Variants in SF3B3 observed in about 807,000 individuals in gnomAD.
SF3B3 encodes the protein splicing factor 3b subunit 3, also known as SAP 130.
In SF3B3, 33 loss-of-function variants were observed where a neutral mutation model predicts 139.2. That is an observed-to-expected ratio of 0.24 (90% CI 0.18 to 0.32). SF3B3 has a LOEUF of 0.32. Among genes scored for constraint, SF3B3 ranks in the 10% least tolerant of loss-of-function variants. The pLI is 1.00. For synonymous variants in SF3B3, 596 were observed against 563.6 expected (o/e 1.06, Z -0.81); for missense variants, 818 against 1,509.4 (o/e 0.54, Z 7.59).
chr16:70,531,060 A>G (rs1486135262), intron 4 of SF3B3, 143 bp downstream of exon 4: 4 of 686,158 alleles, frequency 5.8e-6, no homozygotes, highest in Admixed American at 2.5e-5. Context: ...AGGTCAGGAG[A>G]TCGAGACCAT....
chr16:70,535,397 C>A lies in SF3B3; in HGVS notation c.802C>A (p.Arg268Ser). ...GAACTTTGGTGACCAGCCAGATATCCGCTGTCCAATTCCCAGGAGGCGGGT... is the reference window on the plus strand; with the variant it reads ...GAACTTTGGTGACCAGCCAGATATCAGCTGTCCAATTCCCAGGAGGCGGGT... ...YKNFGDQPDI[R>S]CPIPRRRNDL... The change falls in exon 6 of 26, where the codon CGC becomes AGC. Residue 268 changes from arginine (R) to serine (S), a missense_variant. Around this residue, in one of 14 missense-constraint regions of SF3B3, gnomAD observed 80 missense variants for 206.5 expected, o/e 0.39. Coordinates refer to ENST00000302516, the MANE Select transcript of SF3B3 (RefSeq NM_012426.5). The A allele has an allele frequency of 6.2e-7, 1 of 1,606,462 alleles. No homozygotes were observed. Among genetic ancestry groups the A allele is most frequent in the Non-Finnish European group, 8.5e-7 (1 of 1,174,376 alleles).
At position 70,528,925 on chromosome 16, in the gene SF3B3, T is replaced by A; in HGVS notation, c.123T>A (p.Leu41=). The part of the protein sequence containing the change: ...VVSRGKILEL[L]RPDPNTGKVH... The stretch of plus-strand genomic sequence containing the variant: ...CCCGTGGGAAGATCTTGGAGCTGCT[T>A]CGCCCAGACCCCAACACTGGCAAAG... The change falls in exon 3 of 26, where the codon CTT becomes CTA. Residue 41 remains leucine (L), a synonymous_variant. Coordinates refer to ENST00000302516, the MANE Select transcript of SF3B3 (RefSeq NM_012426.5). The A allele has an allele frequency of 1.9e-6, 3 of 1,614,076 alleles. No individual in the cohort carries two copies.
At chr16:70,530,327 T>G (rs2050109346) in intron 3 of SF3B3, among the ~76,000 whole-genome samples, 1 of 140,294 alleles carries the variant, frequency 7.1e-6, no homozygotes, top group Non-Finnish European at 1.5e-5. Flanking sequence ...TTTTTTTTTT[T>G]TTTTCAAATG....
intron 15 of SF3B3, among the ~76,000 whole-genome samples, chr16:70,559,210 A>G (rs2050405537): frequency 6.6e-6 from 1 of 152,054 alleles, no homozygotes; most frequent in African/African-American, 2.4e-5. Context: ...TTCTTTTTGG[A>G]TTTAATTAGT....
At chr16:70,537,453 G>A (rs1162472680) in intron 6 of SF3B3, among the ~76,000 whole-genome samples, 2 of 152,124 alleles carry the variant, frequency 1.3e-5, no homozygotes, top group Non-Finnish European at 2.9e-5. Flanking sequence ...TGGTTTTGGT[G>A]TGGATTCTTT....
At chr16:70,561,400 G>T in intron 16 of SF3B3, 1 of 477,352 alleles carries the variant, frequency 2.1e-6, no homozygotes, top group Non-Finnish European at 3.7e-6. Context: ...GGCTTAGAGA[G>T]ATGAAATGGT....
At chr16:70,559,063 T>C (rs1203855060) in intron 15 of SF3B3, among the ~76,000 whole-genome samples, 1 of 152,152 alleles carries the variant, frequency 6.6e-6, no homozygotes, top group African/African-American at 2.4e-5. Context: ...AGGAGTGTAG[T>C]GTCTGGTTGT....
chr16:70,570,260 G>A, intron 24 of SF3B3, 111 bp downstream of exon 24: 1 of 1,102,518 alleles, frequency 9.1e-7, no homozygotes, highest in East Asian at 2.5e-5. Flanking sequence ...TAATGTTCTG[G>A]GAATTATAAA....
At chr16:70,535,489 T>G in intron 6 of SF3B3, 69 bp downstream of exon 6, 1 of 798,636 alleles carries the variant, frequency 1.3e-6, no homozygotes, top group Non-Finnish European at 1.9e-6. Context: ...AGTCTCTTAG[T>G]TTGTTACCAA....
intron 9 of SF3B3, among the ~76,000 whole-genome samples, chr16:70,542,373 G>A (rs368265640): frequency 6.6e-6 from 1 of 152,218 alleles, no homozygotes; most frequent in South Asian, 2.1e-4. Context: ...ATTGGGATCA[G>A]TTGGTAACAG....
chr16:70,557,513 TC>T, intron 15 of SF3B3, among the ~76,000 whole-genome samples: 1 of 152,356 alleles, frequency 6.6e-6, no homozygotes, highest in African/African-American at 2.4e-5. Context: ...GATTATTGAC[TC>T]AGACATCTAA....
At chr16:70,534,156 T>A (rs1376096336) in intron 5 of SF3B3, among the ~76,000 whole-genome samples, 1 of 152,162 alleles carries the variant, frequency 6.6e-6, no homozygotes, top group Non-Finnish European at 1.5e-5. Flanking sequence ...TAAGCTGAGA[T>A]CTGAGGGCTA....
Position 70,568,286 on chromosome 16 carries a change from A to G in SF3B3, c.2956A>G (p.Ile986Val), listed in dbSNP as rs1567426059. The G allele has an allele frequency of 1.2e-6, 2 of 1,607,948 alleles. No individual in the cohort carries two copies. The highest frequency in any genetic ancestry group is 1.7e-6 in the Non-Finnish European group (2 of 1,174,522). ...CTATTGTCTTTGTTTTTCCCAGCAT[A>G]TTGCCAATTATATCTCTGGGATCCA... ...KLLRKCENKHIANYISGIQTI... is the reference protein window; with the variant it reads ...KLLRKCENKHVANYISGIQTI... Residue 986 changes from isoleucine to valine, a missense_variant, in exon 22 of 26, where the codon ATT (isoleucine) becomes GTT (valine). This residue lies in a region of SF3B3 where 145 missense variants were observed against 153.6 expected (regional missense o/e 0.94). Coordinates refer to ENST00000302516, the MANE Select transcript of SF3B3 (RefSeq NM_012426.5).
At chr16:70,536,337 TTTTTTTGTATTTTTA>T (rs1045547689) in intron 6 of SF3B3, among the ~76,000 whole-genome samples, 5 of 151,892 alleles carry the variant, frequency 3.3e-5, no homozygotes, top group African/African-American at 7.2e-5. Context: ...CTGGCTAAAT[TTTTTTTGTATTTTTA>T]TTTTTTGTAT....
At chr16:70,531,043 G>C (rs1158388608) in intron 4 of SF3B3, 126 bp downstream of exon 4, 1 of 761,714 alleles carries the variant, frequency 1.3e-6, no homozygotes, top group Non-Finnish European at 2.2e-6. Flanking sequence ...AAGGCTGGCG[G>C]ATCATGAGGT....
At chr16:70,539,383 AC>A (rs1441235934) in intron 8 of SF3B3, among the ~76,000 whole-genome samples, 176 bp downstream of exon 8, 4 of 151,094 alleles carry the variant, frequency 2.6e-5, no homozygotes, top group Non-Finnish European at 5.9e-5. Context: ...CCCCATCTCT[AC>A]CTAAAATACA....
intron 21 of SF3B3, among the ~76,000 whole-genome samples, chr16:70,567,842 C>T (rs1184833753): frequency 3.3e-5 from 5 of 152,128 alleles, no homozygotes; most frequent in African/African-American, 1.2e-4. Flanking sequence ...CGCGCCACCA[C>T]GCCTGGCAAA....
At chr16:70,565,657 T>C (rs2151793829) in intron 20 of SF3B3, 133 bp downstream of exon 20, 1 of 787,642 alleles carries the variant, frequency 1.3e-6, no homozygotes. Context: ...ACATGGAAAA[T>C]GCTGGGGCCT....
chr16:70,556,877 C>G lies in SF3B3; in HGVS notation c.1867-9C>G. 6.2e-7 allele frequency: 1 copy of G among 1,613,912 alleles called. No homozygotes were observed. Among genetic ancestry groups the G allele is most frequent in the South Asian group, 1.1e-5 (1 of 91,058 alleles). ...TTCTGTGTTTTTATGATTTTTCTCT[C>G]CCTCTCAGGACTGTTTGCAACCTCT... On this transcript the variant is annotated splice_polypyrimidine_tract_variant and intron_variant, in intron 14 of 25. Coordinates refer to ENST00000302516, the MANE Select transcript of SF3B3 (RefSeq NM_012426.5).
Sources: allele counts gnomAD v4.1 joint callset (sites outside exome capture counted in the v4.1 genomes callset), GRCh38; gene constraint gnomAD v4.1.1; regional missense constraint gnomAD v4.1.1; transcripts MANE v1.5; gene names NCBI Gene and HGNC (gene_info 2026-07-23, HGNC 2026-07-21).